The following NFIB variants were observed in gnomAD, a reference collection of about 807,000 sequenced individuals.
NFIB encodes the protein nuclear factor I B.
Under a neutral mutation model 61.5 loss-of-function variants are expected in NFIB, and 11 were observed. The ratio of observed to expected loss-of-function variants is 0.18; its 90% CI spans 0.11 to 0.30. The LOEUF (loss-of-function observed/expected upper bound fraction) is 0.30. Among genes scored for constraint, NFIB ranks in the 10% least tolerant of loss-of-function variants. The pLI, the probability that NFIB is intolerant of heterozygous loss-of-function variation, is 1.00. For missense variants in NFIB, 471 were observed against 608.9 expected, an observed-to-expected ratio of 0.77 and a Z score of 2.38; for synonymous variants, 260 against 216.5, an observed-to-expected ratio of 1.20 and a Z score of -1.76.
chr9:14,382,328 A>G (rs1349042954), intron 1 of NFIB, among the ~76,000 whole-genome samples: 7 of 150,706 alleles, frequency 4.6e-5, no homozygotes, highest in African/African-American at 1.7e-4. Context: ...TGACGGCACC[A>G]GGGAGGCAGA....
chr9:14,394,850 T>C lies in NFIB; in HGVS notation c.108+3674A>G, dbSNP rs530207244. Among the ~76,000 whole-genome samples the C allele has an allele frequency of 2.6e-5, 4 of 152,328 alleles. No homozygotes were observed. The South Asian group carries it at 8.3e-4, about 32-fold the overall frequency. On this transcript the variant is annotated intron_variant, in intron 1 of 8. Transcript: ENST00000380934. ...TCTCTGTACAATAGTATCATTGCAG[T>C]CCTTGTTTAAAAGTTCCTGACACGG...
At chr9:14,119,583 C>T (rs1375794498) in intron 8 of NFIB, among the ~76,000 whole-genome samples, 3 of 152,028 alleles carry the variant, frequency 2.0e-5, no homozygotes, top group East Asian at 3.9e-4. Context: ...GTAGTAATGA[C>T]GGAATGTTTG....
intron 3 of NFIB, among the ~76,000 whole-genome samples, chr9:14,161,331 T>G (rs1317386890): frequency 6.6e-6 from 1 of 152,104 alleles, no homozygotes; most frequent in African/African-American, 2.4e-5. Context: ...ATAGCCCAGG[T>G]TAACATTCAA....
rs955810787 is a variant in NFIB, at chr9:14,216,518, C to T, written c.563-36738G>A. ...TCTCTCTCTCTCTCTCTCTCTCTCT[C>T]TCTCTCTCTCTCTCTCTCTCTCTCC... On this transcript the variant is annotated intron_variant, in intron 2 of 10. Transcript: ENST00000380953. Among the ~76,000 whole-genome samples the T allele has an allele frequency of 1.1e-4, 4 of 35,384 alleles. No individual in the cohort carries two copies. The South Asian group carries it at 4.0e-3, about 35-fold the overall frequency. The allele number at this position is 35,384 out of a possible 152,430, so 23.2% of individuals were successfully genotyped here. A position where few individuals can be genotyped will look rare whatever the true frequency, so the allele number is the denominator to read the frequency against.
intron 3 of NFIB, among the ~76,000 whole-genome samples, chr9:14,175,308 A>G (rs1460375926): frequency 6.6e-6 from 1 of 151,106 alleles, no homozygotes; most frequent in African/African-American, 2.4e-5. Context: ...CCAGCAGCTG[A>G]GACTACAGGC....
chr9:14,390,657 T>G (rs562599233), intron 1 of NFIB, among the ~76,000 whole-genome samples: 3 of 152,344 alleles, frequency 2.0e-5, no homozygotes, highest in Non-Finnish European at 2.9e-5. Flanking sequence ...TATTAGGTTA[T>G]GAAAGTGGAG....
At chr9:14,483,553 G>T in the NFIB span, among the ~76,000 whole-genome samples, 2 of 152,130 alleles carry the variant, frequency 1.3e-5, no homozygotes, top group Non-Finnish European at 2.9e-5. Context: ...TACACTACTA[G>T]TTCTGTGATT....
At chr9:14,216,790 C>G (rs975747499) in intron 2 of NFIB, among the ~76,000 whole-genome samples, 1 of 152,062 alleles carries the variant, frequency 6.6e-6, no homozygotes, top group African/African-American at 2.4e-5. Flanking sequence ...TGCTTTCAGC[C>G]AAATTTTCTA....
At chr9:14,491,513 G>A in the NFIB span, among the ~76,000 whole-genome samples, 1 of 152,216 alleles carries the variant, frequency 6.6e-6, no homozygotes. Context: ...AGATAGGGCT[G>A]AGAGAAAGTC....
chr9:14,231,892 G>GA (rs1357421442), intron 2 of NFIB, among the ~76,000 whole-genome samples: 4 of 152,034 alleles, frequency 2.6e-5, no homozygotes, highest in Admixed American at 6.5e-5. Context: ...AAGCAAGGAG[G>GA]AAAAAAATCT....
chr9:14,270,081 C>T (rs1341327141), intron 2 of NFIB, among the ~76,000 whole-genome samples: 1 of 152,284 alleles, frequency 6.6e-6, no homozygotes, highest in Non-Finnish European at 1.5e-5. Context: ...ATGAAAGTTA[C>T]ATGACCTTAC....
chr9:14,351,673 G>C (rs1232929184), intron 1 of NFIB, among the ~76,000 whole-genome samples: 1 of 152,200 alleles, frequency 6.6e-6, no homozygotes, highest in Non-Finnish European at 1.5e-5. Context: ...CCTAGAAAGA[G>C]TTTCTGTCTG....
chr9:14,283,023 C>T (rs1015394903), intron 2 of NFIB, among the ~76,000 whole-genome samples: 32 of 152,232 alleles, frequency 2.1e-4, no homozygotes, highest in Middle Eastern at 3.4e-3. Flanking sequence ...TTAGATGTTG[C>T]GGCTGTTGTT....
chr9:14,528,523 T>G, the NFIB span, among the ~76,000 whole-genome samples: 1 of 152,188 alleles, frequency 6.6e-6, no homozygotes. Flanking sequence ...TACGAGAATT[T>G]CAAGTTGCAT....
rs2032845071 is a variant in NFIB at position 14,086,232 on chromosome 9, C to T, written c.*2077G>A. On this transcript the variant is annotated 3_prime_UTR_variant, in exon 11 of 11. Transcript: ENST00000380953. Reference sequence around the variant, plus strand: ...GCTACACTGCAAAGTGTTAAAAATCCTCCCACCCACCCCAGAATATATATA... The same window carrying T: ...GCTACACTGCAAAGTGTTAAAAATCTTCCCACCCACCCCAGAATATATATA... The T allele has an allele frequency of 4.5e-6, 1 of 223,022 alleles. No individual in the cohort carries two copies. Among genetic ancestry groups the T allele is most frequent in the East Asian group, 6.5e-5 (1 of 15,440 alleles). 13.8% of individuals were successfully genotyped at this position (223,022 alleles called of 1,614,324 possible). A position where few individuals can be genotyped will look rare whatever the true frequency, so the allele number is the denominator to read the frequency against.
chr9:14,246,887 G>A (rs182063331), intron 2 of NFIB, among the ~76,000 whole-genome samples: 2 of 152,270 alleles, frequency 1.3e-5, no homozygotes, highest in African/African-American at 4.8e-5. Flanking sequence ...AGTAATTAAG[G>A]TTAAATGAGG....
chr9:14,517,686 G>A, the NFIB span, among the ~76,000 whole-genome samples: 1 of 152,014 alleles, frequency 6.6e-6, no homozygotes, highest in South Asian at 2.1e-4. Flanking sequence ...CCTGTTCTTG[G>A]ACCTTCTTTC....
At chr9:14,177,161 G>T (rs538246765) in intron 3 of NFIB, among the ~76,000 whole-genome samples, 1 of 152,112 alleles carries the variant, frequency 6.6e-6, no homozygotes, top group African/African-American at 2.4e-5. Flanking sequence ...TACATGGATC[G>T]TGCCTTCTCA....
intron 5 of NFIB, 105 bp downstream of exon 5, chr9:14,150,040 T>C (rs1469623431): frequency 1.4e-6 from 2 of 1,480,302 alleles, no homozygotes; most frequent in African/African-American, 2.8e-5. Flanking sequence ...CAGCAAAAAT[T>C]ATTTCCCATC....
Sources: gnomAD v4.1 joint callset for allele counts (sites outside exome capture counted in the v4.1 genomes callset) on GRCh38, gnomAD v4.1.1 for gene constraint, MANE v1.5 for transcripts, NCBI Gene and HGNC (gene_info 2026-07-23, HGNC 2026-07-21) for gene names.